Variants in COG4 observed in about 807,000 individuals in gnomAD.
COG4 encodes component of oligomeric golgi complex 4.
COG4 carries 65 observed loss-of-function variants against 95.1 expected under a neutral mutation model. The observed-to-expected ratio is 0.68, with a 90% CI of 0.56 to 0.84. The LOEUF is 0.84. Among genes scored for constraint, COG4 ranks in the 40% least tolerant of loss-of-function variants. The probability of loss-of-function intolerance (pLI) is 0.00; values close to 1 mark genes in which losing one functional copy is unlikely to be tolerated. For synonymous variants in COG4, 421 were observed against 374.8 expected, an observed-to-expected ratio of 1.12 and a Z score of -1.42; for missense variants, 1,045 against 989.1, an observed-to-expected ratio of 1.06 and a Z score of -0.76.
intron 17 of COG4, 23 bp downstream of exon 17, chr16:70,481,741 G>T: frequency 6.3e-7 from 1 of 1,595,246 alleles, no homozygotes; most frequent in Non-Finnish European, 8.6e-7. Context: ...GAGAGCCGCA[G>T]ACCCATGACC....
chr16:70,521,586 A>G (rs2049943250), intron 1 of COG4, among the ~76,000 whole-genome samples: 1 of 152,112 alleles, frequency 6.6e-6, no homozygotes, highest in Admixed American at 6.5e-5. Context: ...ACAGTCATGG[A>G]ATACAAATAC....
intron 11 of COG4, 136 bp downstream of exon 11, chr16:70,497,085 T>C (rs569811575): frequency 1.0e-5 from 9 of 885,428 alleles, no homozygotes; most frequent in Non-Finnish European, 1.6e-5. Context: ...CCAAGGATAC[T>C]ATCTTAGGGA....
intron 6 of COG4, 90 bp from the exon 7 acceptor site, chr16:70,509,478 T>C: frequency 7.0e-7 from 1 of 1,431,188 alleles, no homozygotes; most frequent in South Asian, 1.2e-5. Flanking sequence ...AAGGTCTAGC[T>C]CAATCCTTTT....
At chr16:70,510,923 C>T (rs2049690820) in intron 5 of COG4, among the ~76,000 whole-genome samples, 2 of 152,058 alleles carry the variant, frequency 1.3e-5, no homozygotes, top group South Asian at 2.1e-4. Context: ...GCCAACATGC[C>T]CGGCTAATTT....
At position 70,517,689 on chromosome 16, in the gene COG4, G is replaced by A; in HGVS notation, c.306C>T (p.Ile102=). ...EGDAKQLAGM[I]TFTCNLAENV... ...TCTCAGCCAGGTTGCAGGTAAAGGTGATCATTCCAGCCAGCTGCTTTGCAT... is the reference window on the plus strand; with the variant it reads ...TCTCAGCCAGGTTGCAGGTAAAGGTAATCATTCCAGCCAGCTGCTTTGCAT... The change falls in exon 3 of 19, where the codon ATC becomes ATT. Residue 102 remains isoleucine, a synonymous_variant. Coordinates refer to ENST00000323786, the MANE Select transcript of COG4 (RefSeq NM_015386.3). 1 of 1,613,166 alleles carries A rather than the reference G, an allele frequency of 6.2e-7. No homozygotes were observed. Among genetic ancestry groups the A allele is most frequent in the Non-Finnish European group, 8.5e-7 (1 of 1,179,740 alleles).
intron 12 of COG4, among the ~76,000 whole-genome samples, chr16:70,492,638 GCAA>G (rs1277085988): frequency 6.8e-6 from 1 of 147,798 alleles, no homozygotes; most frequent in Non-Finnish European, 1.5e-5. Flanking sequence ...TCCAGCCTGT[GCAA>G]CAACAGCAAA....
chr16:70,504,075 G>A (rs898687982), intron 8 of COG4, among the ~76,000 whole-genome samples: 8 of 152,012 alleles, frequency 5.3e-5, no homozygotes, highest in African/African-American at 1.2e-4. Context: ...ATTTCTCACC[G>A]CCATTTTCTA....
At chr16:70,517,820 T>C (rs556439217) in intron 2 of COG4, 80 bp from the exon 3 acceptor site, 3 of 845,710 alleles carry the variant, frequency 3.5e-6, no homozygotes, top group East Asian at 2.4e-5. Context: ...ATGGACACTA[T>C]GTCTTCTACT....
chr16:70,492,184 C>G (rs994789112), intron 12 of COG4, among the ~76,000 whole-genome samples: 1 of 152,192 alleles, frequency 6.6e-6, no homozygotes, highest in African/African-American at 2.4e-5. Context: ...GGCATGGAAG[C>G]TCCATACCCC....
At chr16:70,481,589 TG>T in intron 17 of COG4, 102 bp from the exon 18 acceptor site, 1 of 1,545,968 alleles carries the variant, frequency 6.5e-7, no homozygotes, top group African/African-American at 1.4e-5. Flanking sequence ...AGGCCTCAGG[TG>T]GTGCCCTGTG....
intron 8 of COG4, among the ~76,000 whole-genome samples, chr16:70,504,904 G>C (rs1306345550): frequency 1.8e-5 from 2 of 112,722 alleles, no homozygotes; most frequent in Non-Finnish European, 3.5e-5. Context: ...GAGCAAGACT[G>C]TCTCAAAAAA....
At chr16:70,484,167 G>A (rs957354951) in intron 13 of COG4, among the ~76,000 whole-genome samples, 198 bp from the exon 14 acceptor site, 5 of 152,184 alleles carry the variant, frequency 3.3e-5, no homozygotes, top group African/African-American at 9.7e-5. Context: ...TACCAATGTC[G>A]GGGAAGTGAG....
chr16:70,511,028 G>A (rs1186211471), intron 5 of COG4, among the ~76,000 whole-genome samples: 1 of 152,190 alleles, frequency 6.6e-6, no homozygotes, highest in Non-Finnish European at 1.5e-5. Flanking sequence ...GCCTCCCAAA[G>A]TGCTGGGATT....
At chr16:70,490,826 A>AT (rs2049228812) in intron 12 of COG4, among the ~76,000 whole-genome samples, 1 of 151,922 alleles carries the variant, frequency 6.6e-6, no homozygotes, top group Admixed American at 6.6e-5. Flanking sequence ...CGCCAGGCTA[A>AT]TTTTTTGTAT....
At chr16:70,520,737 A>G (rs576061360) in intron 1 of COG4, among the ~76,000 whole-genome samples, 2 of 152,298 alleles carry the variant, frequency 1.3e-5, no homozygotes, top group African/African-American at 4.8e-5. Flanking sequence ...TTCTTGGTGC[A>G]TAGTCAGTAG....
chr16:70,514,124 C>T lies in COG4; in HGVS notation c.544+211G>A, dbSNP rs565990337. On this transcript the variant is annotated intron_variant, in intron 4 of 18. Coordinates refer to ENST00000323786, the MANE Select transcript of COG4 (RefSeq NM_015386.3). ...ACTCAGGAGGCTGAGGCAGGAGAATCGCTTGAACCCAGAAGGCGGAGGTTG... is the reference window on the plus strand; with the variant it reads ...ACTCAGGAGGCTGAGGCAGGAGAATTGCTTGAACCCAGAAGGCGGAGGTTG... Among the ~76,000 whole-genome samples the T allele has an allele frequency of 5.9e-5, 9 of 152,142 alleles. No homozygotes were observed. In the South Asian group the frequency reaches 8.3e-4, roughly 14 times the overall value.
rs551005370 is a variant in COG4 at position 70,509,482 on chromosome 16, T to C, written c.845-94A>G. 172 of 1,383,218 alleles carry C rather than the reference T, an allele frequency of 1.2e-4. No homozygotes were observed. The South Asian group carries it at 1.9e-3, about 15-fold the overall frequency. The allele number at this position is 1,383,218 out of a possible 1,614,324, so 85.7% of individuals were successfully genotyped here. On this transcript the variant is annotated intron_variant, in intron 6 of 18. Coordinates refer to ENST00000323786, the MANE Select transcript of COG4 (RefSeq NM_015386.3). ...AGGACTAACCGAAGGTCTAGCTCAA[T>C]CCTTTTGGCTGCTTCACTTTCTAAA... is the stretch of plus-strand genomic sequence containing the variant.
chr16:70,495,228 TAAA>T (rs531628464), intron 12 of COG4, among the ~76,000 whole-genome samples: 4,362 of 118,680 alleles, frequency 0.037, 238 homozygotes, highest in African/African-American at 0.13. Context: ...CAGTCTTTAC[TAAA>T]AAAAAAAAAA....
rs201272287 is a variant in COG4 at position 70,501,008 on chromosome 16, C to T, written c.1145G>A (p.Ser382Asn). 1.2e-6 allele frequency: 2 copies of T among 1,613,954 alleles called. No individual in the cohort carries two copies. The highest frequency in any genetic ancestry group is 1.7e-6 in the Non-Finnish European group (2 of 1,180,020). Residue 382 changes from serine (S) to asparagine (N), a missense_variant, in exon 9 of 19, where the codon AGC becomes AAC. Coordinates refer to ENST00000323786, the MANE Select transcript of COG4 (RefSeq NM_015386.3). Reference protein sequence around the residue: ...LYLRFLKKRISSDFEVGDSMA... With the variant: ...LYLRFLKKRINSDFEVGDSMA... ...GGAGTCTCCCACCTCAAAATCAGAG[C>T]TAATCCTCTTCTTGAGGAAGCGTAA... is the stretch of plus-strand genomic sequence containing the variant.
Sources: gnomAD v4.1 joint callset for allele counts (sites outside exome capture counted in the v4.1 genomes callset) on GRCh38, gnomAD v4.1.1 for gene constraint, MANE v1.5 for transcripts, NCBI Gene and HGNC (gene_info 2026-07-23, HGNC 2026-07-21) for gene names.